The following DPP6 variants were observed in gnomAD, a reference collection of about 807,000 sequenced individuals.
DPP6 encodes the protein dipeptidyl peptidase like 6.
Under a neutral mutation model 122.6 loss-of-function variants are expected in DPP6, and 69 were observed. The ratio of observed to expected loss-of-function variants is 0.56; its 90% CI spans 0.46 to 0.69. The LOEUF (loss-of-function observed/expected upper bound fraction) is 0.69, where lower values mean the gene tolerates loss of function less well. Ranked by LOEUF, DPP6 falls within the 30% of genes least tolerant of loss-of-function variation. The pLI is 0.00. For synonymous variants in DPP6, 418 were observed against 433.1 expected (o/e 0.97, Z 0.43); for missense variants, 928 against 1,116.9 (o/e 0.83, Z 2.41).
intron 5 of DPP6, among the ~76,000 whole-genome samples, chr7:154,636,806 A>G (rs967479646): frequency 1.3e-5 from 2 of 152,172 alleles, no homozygotes; most frequent in Non-Finnish European, 2.9e-5. Context: ...TGGTCCTCCA[A>G]ATGCATTTCC....
At chr7:153,853,758 T>C in the DPP6 span, among the ~76,000 whole-genome samples, 1 of 152,196 alleles carries the variant, frequency 6.6e-6, no homozygotes, top group African/African-American at 2.4e-5. Context: ...TTGCTAACTT[T>C]AAAAAAATAG....
chr7:153,904,417 C>T (rs774083753), intron 1 of DPP6, among the ~76,000 whole-genome samples: 1 of 152,202 alleles, frequency 6.6e-6, no homozygotes, highest in Non-Finnish European at 1.5e-5. Context: ...TCCCTGTTCT[C>T]AGCACCCTCA....
chr7:153,955,503 A>G (rs1446101070), intron 1 of DPP6, among the ~76,000 whole-genome samples: 2 of 152,046 alleles, frequency 1.3e-5, no homozygotes, highest in South Asian at 2.1e-4. Flanking sequence ...CAGTGGTGCA[A>G]TCTCGGCTCA....
chr7:154,061,130 A>G (rs1801800398), intron 1 of DPP6, among the ~76,000 whole-genome samples: 1 of 148,360 alleles, frequency 6.7e-6, no homozygotes, highest in African/African-American at 2.5e-5. Flanking sequence ...TTAAGGGCAG[A>G]AGGCAGGTGA....
intron 1 of DPP6, among the ~76,000 whole-genome samples, chr7:153,916,460 G>A (rs1376729697): frequency 2.8e-5 from 4 of 142,170 alleles, no homozygotes; most frequent in African/African-American, 7.8e-5. Context: ...CACCCAGACT[G>A]GAGTGCAGTG....
chr7:154,488,919 A>G (rs978300096), intron 3 of DPP6, among the ~76,000 whole-genome samples: 1 of 152,190 alleles, frequency 6.6e-6, no homozygotes, highest in Non-Finnish European at 1.5e-5. Flanking sequence ...CTTTGCTACC[A>G]GCACTGCATC....
intron 1 of DPP6, among the ~76,000 whole-genome samples, chr7:154,369,965 C>CATTTATGTATTT (rs1812506455): frequency 1.4e-5 from 2 of 145,848 alleles, no homozygotes; most frequent in East Asian, 4.1e-4. Flanking sequence ...CAGATATATG[C>CATTTATGTATTT]ATTTATTTAT....
At chr7:154,459,550 G>T (rs946032701) in intron 2 of DPP6, among the ~76,000 whole-genome samples, 1 of 151,912 alleles carries the variant, frequency 6.6e-6, no homozygotes. Flanking sequence ...TATTAAATTG[G>T]CTGGGCATGG....
intron 6 of DPP6, among the ~76,000 whole-genome samples, chr7:154,666,849 G>T (rs1185271495): frequency 1.3e-5 from 2 of 152,184 alleles, no homozygotes; most frequent in Non-Finnish European, 2.9e-5. Context: ...TTCTCTAGGA[G>T]TCTAGAAGTG....
In DPP6 at chr7:154,772,840, C is replaced by A; in HGVS notation, c.1039-5C>A. On this transcript the variant is annotated splice_polypyrimidine_tract_variant and splice_region_variant and intron_variant, in intron 9 of 25. Coordinates refer to ENST00000377770, the MANE Select transcript of DPP6 (RefSeq NM_130797.4). ...TTCATGTCTCTGCCCCTTTTTAATC[C>A]CCAGGCTGGAAGTGAGAACCCCAGC... 2 of 1,611,258 alleles carry A rather than the reference C, an allele frequency of 1.2e-6. No individual in the cohort carries two copies. The highest frequency in any genetic ancestry group is 8.5e-7 in the Non-Finnish European group (1 of 1,178,972).
At position 154,863,122 on chromosome 7, in the gene DPP6, G is replaced by A. The variant is rs113114477; in HGVS notation, c.1715-4873G>A. On this transcript the variant is annotated intron_variant, in intron 17 of 25. Transcript: ENST00000377770. This position sits in a 1 kb window ranked among gnomAD's most constrained non-coding sequence, Gnocchi z 4.1. ...TCCCTATGTTGCCCAGGCTGGTCTC[G>A]GACTCCTGGACTCAAGTGATCCTCC... Among the ~76,000 whole-genome samples, 2,441 of 152,064 alleles carry A rather than the reference G, an allele frequency of 0.016. 76 individuals are homozygous for A. Among genetic ancestry groups the A allele is most frequent in the African/African-American group, 0.056 (2,308 of 41,474 alleles).
intron 10 of DPP6, among the ~76,000 whole-genome samples, chr7:154,779,028 C>T: frequency 8.2e-6 from 1 of 122,628 alleles, no homozygotes; most frequent in Admixed American, 8.7e-5. Context: ...ACCATCACCT[C>T]CACCACCACC....
chr7:154,488,469 C>T (rs570934582), intron 3 of DPP6, among the ~76,000 whole-genome samples: 1 of 151,584 alleles, frequency 6.6e-6, no homozygotes. Context: ...AAAAAGAAAG[C>T]AGACACACCC....
chr7:154,314,419 G>A (rs796391436), intron 1 of DPP6, among the ~76,000 whole-genome samples: 7 of 152,272 alleles, frequency 4.6e-5, no homozygotes, highest in African/African-American at 1.7e-4. Context: ...AAGATGATTT[G>A]TTCTACAAAA....
chr7:154,395,380 A>G (rs1206933839), intron 1 of DPP6, among the ~76,000 whole-genome samples: 7 of 152,212 alleles, frequency 4.6e-5, no homozygotes, highest in Admixed American at 3.9e-4. Context: ...CTTCCCATCC[A>G]TGAACATGGG....
chr7:154,779,069 A>G, intron 10 of DPP6, among the ~76,000 whole-genome samples: 1 of 142,764 alleles, frequency 7.0e-6, no homozygotes, highest in Non-Finnish European at 1.5e-5. Flanking sequence ...CACCACCATC[A>G]CCTCCATCAC....
intron 1 of DPP6, among the ~76,000 whole-genome samples, chr7:154,384,185 T>G (rs929230105): frequency 6.6e-6 from 1 of 152,156 alleles, no homozygotes; most frequent in Non-Finnish European, 1.5e-5. Flanking sequence ...AGCTCAGGTG[T>G]CTGTGAGACA....
At chr7:153,831,405 G>A in the DPP6 span, among the ~76,000 whole-genome samples, 2 of 152,280 alleles carry the variant, frequency 1.3e-5, no homozygotes, top group African/African-American at 4.8e-5. Flanking sequence ...GAAGGAAATT[G>A]ACACCTGACC....
the DPP6 span, among the ~76,000 whole-genome samples, chr7:153,840,776 A>G: frequency 6.6e-6 from 1 of 152,238 alleles, no homozygotes; most frequent in African/African-American, 2.4e-5. Flanking sequence ...ATTTCTACCT[A>G]GGACTCAGTA....
Sources: gnomAD v4.1 joint callset for allele counts (sites outside exome capture counted in the v4.1 genomes callset) on GRCh38, gnomAD v4.1.1 for gene constraint, Gnocchi (gnomAD v3.1) non-coding constraint, MANE v1.5 for transcripts, NCBI Gene and HGNC (gene_info 2026-07-23, HGNC 2026-07-21) for gene names.